Variants in SPECC1 observed in about 807,000 individuals in gnomAD.
SPECC1 encodes sperm antigen with calponin homology and coiled-coil domains 1.
A neutral mutation model predicts 104.1 loss-of-function variants in SPECC1; 62 were observed. That is an observed-to-expected ratio of 0.60 (90% CI 0.49 to 0.74). SPECC1 has a LOEUF of 0.74. Ranked by LOEUF, SPECC1 falls within the 30% of genes least tolerant of loss-of-function variation. The pLI, the probability that SPECC1 is intolerant of heterozygous loss-of-function variation, is 0.00. For missense variants in SPECC1, 1,306 were observed against 1,310.5 expected (o/e 1.00, Z 0.05); for synonymous variants, 513 against 501.6 (o/e 1.02, Z -0.30).
At chr17:20,143,387 A>G (rs2031074915) in intron 3 of SPECC1, among the ~76,000 whole-genome samples, 2 of 144,994 alleles carry the variant, frequency 1.4e-5, no homozygotes, top group Admixed American at 6.8e-5. Context: ...TCAAGTTTCA[A>G]AAAAAAAAAA....
intron 3 of SPECC1, among the ~76,000 whole-genome samples, chr17:20,118,244 T>C (rs529356065): frequency 6.6e-6 from 1 of 152,338 alleles, no homozygotes; most frequent in East Asian, 1.9e-4. Flanking sequence ...ATATGGTTGA[T>C]GCACAAGGAC....
intron 1 of SPECC1, among the ~76,000 whole-genome samples, chr17:20,044,008 C>G (rs548611240): frequency 1.3e-5 from 2 of 152,198 alleles, no homozygotes; most frequent in Admixed American, 1.3e-4. Context: ...AGCACTGTTT[C>G]TGGAACAGAG....
intron 1 of SPECC1, among the ~76,000 whole-genome samples, chr17:20,029,217 A>G (rs1296186672): frequency 2.0e-5 from 3 of 152,170 alleles, no homozygotes; most frequent in Non-Finnish European, 4.4e-5. Flanking sequence ...CTAGAGTATA[A>G]GTTTTGCACT....
intron 1 of SPECC1, among the ~76,000 whole-genome samples, chr17:20,076,424 T>G (rs1033123516): frequency 1.3e-4 from 20 of 152,198 alleles, no homozygotes; most frequent in African/African-American, 4.8e-4. Context: ...GGTCTTGAAC[T>G]CCTGAGCTGA....
At position 20,311,173 on chromosome 17, in the gene SPECC1, T is replaced by C. The variant is rs2041920949; in HGVS notation, c.3118-2803T>C. Among the ~76,000 whole-genome samples, 3 of 151,542 alleles carry C rather than the reference T, an allele frequency of 2.0e-5. No individual in the cohort carries two copies. In the South Asian group the frequency reaches 6.3e-4, roughly 32 times the overall value. ...CTTATTACAAAATCCAGTTGTTCAA[T>C]TGGTACATAGGACAGCAATGGACTT... is the stretch of plus-strand genomic sequence containing the variant. On this transcript the variant is annotated intron_variant, in intron 14 of 14. Coordinates refer to ENST00000395527, the MANE Select transcript of SPECC1 (RefSeq NM_001243439.2).
At chr17:20,023,282 A>G (rs894800847) in intron 1 of SPECC1, among the ~76,000 whole-genome samples, 2 of 152,240 alleles carry the variant, frequency 1.3e-5, no homozygotes, top group Admixed American at 6.5e-5. Flanking sequence ...GTTCTAAACC[A>G]TAGTCTTAAG....
chr17:20,110,523 A>G lies in SPECC1; in HGVS notation c.244A>G (p.Ile82Val), dbSNP rs1338424602. 2 of 1,613,834 alleles carry G rather than the reference A, an allele frequency of 1.2e-6. No homozygotes were observed. The highest frequency in any genetic ancestry group is 1.3e-5 in the African/African-American group (1 of 74,912). ...GAAGAAGACCGCCACTGCCGGAGCC[A>G]TCTCGGAGCTCACGGAGAGCCGCCT... is the stretch of plus-strand genomic sequence containing the variant. ...RLKKTATAGA[I>V]SELTESRLRS... The change falls in exon 3 of 15, where the codon ATC becomes GTC. Residue 82 changes from isoleucine (I) to valine (V), a missense_variant. Physicochemically the swap from Ile to Val is conservative, Grantham distance 29 (BLOSUM62 3). Transcript: ENST00000395527.
At chr17:20,076,098 C>CA (rs1387651529) in intron 1 of SPECC1, among the ~76,000 whole-genome samples, 2 of 152,202 alleles carry the variant, frequency 1.3e-5, no homozygotes, top group African/African-American at 4.8e-5. Context: ...TTCTGAGTGA[C>CA]AGAGTATGAC....
intron 4 of SPECC1, among the ~76,000 whole-genome samples, chr17:20,216,456 G>A (rs190887637): frequency 2.6e-5 from 4 of 152,260 alleles, no homozygotes; most frequent in Non-Finnish European, 4.4e-5. Context: ...TTTATCTTCC[G>A]AGTAAGGAGT....
chr17:20,243,624 A>G (rs189619053), intron 7 of SPECC1, among the ~76,000 whole-genome samples: 7 of 152,214 alleles, frequency 4.6e-5, no homozygotes, highest in African/African-American at 1.7e-4. Context: ...TCTCTTCTCA[A>G]ATTATACAGG....
intron 4 of SPECC1, among the ~76,000 whole-genome samples, chr17:20,225,483 C>T (rs1381661421): frequency 6.6e-6 from 1 of 152,212 alleles, no homozygotes; most frequent in African/African-American, 2.4e-5. Flanking sequence ...TCTAAATGCT[C>T]CTTTTATGGG....
chr17:20,247,370 C>T, intron 9 of SPECC1, 51 bp downstream of exon 9: 1 of 1,365,826 alleles, frequency 7.3e-7, no homozygotes, highest in Non-Finnish European at 1.0e-6. Context: ...GTGTATCCCT[C>T]TAGATGTTTT....
chr17:20,307,516 C>G (rs554933476), intron 14 of SPECC1, among the ~76,000 whole-genome samples: 1 of 152,306 alleles, frequency 6.6e-6, no homozygotes, highest in Non-Finnish European at 1.5e-5. Flanking sequence ...CTGGGTTTCT[C>G]CAGCTCATTG....
intron 3 of SPECC1, among the ~76,000 whole-genome samples, chr17:20,194,366 T>G (rs2035864658): frequency 6.6e-6 from 1 of 152,108 alleles, no homozygotes; most frequent in Non-Finnish European, 1.5e-5. Flanking sequence ...AGACAAGGTG[T>G]GAGGCCAGTT....
At chr17:20,077,726 C>T (rs1322367967) in intron 1 of SPECC1, among the ~76,000 whole-genome samples, 5 of 152,106 alleles carry the variant, frequency 3.3e-5, no homozygotes, top group African/African-American at 1.2e-4. Context: ...TTTGGCCTCC[C>T]AAAGTGCTGG....
chr17:20,073,750 G>A (rs2046651659), intron 1 of SPECC1: 1 of 152,186 alleles, frequency 6.6e-6, no homozygotes, highest in South Asian at 2.1e-4. Flanking sequence ...AAAATCTTAG[G>A]ATAGCTGGGG....
chr17:20,086,215 C>T (rs1204051435), intron 1 of SPECC1, among the ~76,000 whole-genome samples: 2 of 151,876 alleles, frequency 1.3e-5, no homozygotes, highest in East Asian at 1.9e-4. Context: ...TCAGCACGCC[C>T]CAGAAGCCAT....
chr17:20,054,212 T>C (rs937441089), intron 1 of SPECC1, among the ~76,000 whole-genome samples: 4 of 152,236 alleles, frequency 2.6e-5, no homozygotes, highest in African/African-American at 9.6e-5. Context: ...TCTTTCTTCT[T>C]TGATTGAATT....
At chr17:20,299,476 C>G (rs1598164963) in intron 13 of SPECC1, among the ~76,000 whole-genome samples, 1 of 143,190 alleles carries the variant, frequency 7.0e-6, no homozygotes, top group East Asian at 2.1e-4. Context: ...GGGAGAATCA[C>G]TTGACTCTGG....
Sources: allele counts gnomAD v4.1 joint callset (sites outside exome capture counted in the v4.1 genomes callset), GRCh38; gene constraint gnomAD v4.1.1; transcripts MANE v1.5; gene names NCBI Gene and HGNC (gene_info 2026-07-23, HGNC 2026-07-21).